REG4: variants seen among roughly 807,000 people sequenced by gnomAD.
The protein encoded by REG4 is regenerating family member 4.
Under a neutral mutation model 22.3 loss-of-function variants are expected in REG4, and 16 were observed. That is an observed-to-expected ratio of 0.72 (90% confidence interval 0.49 to 1.09). REG4 has a LOEUF of 1.09. Ranked by LOEUF, REG4 falls within the 50% of genes least tolerant of loss-of-function variation. REG4 has a pLI of 0.00. For synonymous variants in REG4, 71 were observed against 69.2 expected (o/e 1.03, Z -0.13); for missense variants, 214 against 193.9 (o/e 1.10, Z -0.61).
chr1:119,798,697 T>C (rs1250614833), intron 4 of REG4, 95 bp from the exon 5 acceptor site: 32 of 820,962 alleles, frequency 3.9e-5, no homozygotes, highest in Non-Finnish European at 6.3e-5. Flanking sequence ...ATGGTTTTCA[T>C]TGCAAACATT....
chr1:119,795,383 T>C (rs1258702700), intron 5 of REG4, among the ~76,000 whole-genome samples: 1 of 152,176 alleles, frequency 6.6e-6, no homozygotes, highest in Non-Finnish European at 1.5e-5. Context: ...GAAGCTCCTG[T>C]TCAAAGTTCA....
intron 2 of REG4, among the ~76,000 whole-genome samples, chr1:119,807,302 T>C (rs1196256042): frequency 6.6e-6 from 1 of 152,146 alleles, no homozygotes; most frequent in Non-Finnish European, 1.5e-5. Flanking sequence ...TAAGGGAGGT[T>C]CCCCCAAGAT....
chr1:119,810,634 CA>C (rs1654466213), intron 1 of REG4, among the ~76,000 whole-genome samples: 2 of 152,192 alleles, frequency 1.3e-5, no homozygotes, highest in Admixed American at 1.3e-4. Flanking sequence ...CTTTAAAACG[CA>C]AACAGAATTT....
At chr1:119,809,997 T>A (rs987343317) in intron 1 of REG4, among the ~76,000 whole-genome samples, 2 of 152,184 alleles carry the variant, frequency 1.3e-5, no homozygotes, top group Admixed American at 1.3e-4. Context: ...CATTTTTCTA[T>A]TTCATTGTTT....
At chr1:119,799,005 G>A (rs146352885) in intron 4 of REG4, among the ~76,000 whole-genome samples, 3 of 152,284 alleles carry the variant, frequency 2.0e-5, no homozygotes, top group East Asian at 3.9e-4. Flanking sequence ...GCCATAAGAT[G>A]TTTATAGACA....
chr1:119,806,505 G>T lies in REG4; in HGVS notation c.67+2198C>A, dbSNP rs1185745196. Among the ~76,000 whole-genome samples the T allele has an allele frequency of 2.6e-5, 4 of 152,140 alleles. No homozygotes were observed. The East Asian group carries it at 7.7e-4, about 29-fold the overall frequency. On this transcript the variant is annotated intron_variant, in intron 2 of 5. Coordinates refer to ENST00000256585, the MANE Select transcript of REG4 (RefSeq NM_032044.4). ...AAGTTATTGCTTTAAATCCTACATG[G>T]GTCAAGCACATTCGTTGAGATTATT...
chr1:119,810,004 GTTTGTGAGATCTTTTTTGTATGTTTA>G (rs1443304177), intron 1 of REG4, among the ~76,000 whole-genome samples: 3 of 151,910 alleles, frequency 2.0e-5, no homozygotes, highest in Non-Finnish European at 4.4e-5. Context: ...CTATTTCATT[GTTTGTGAGATCTTTTTTGTATGTTTA>G]TTTGTGAGAT....
intron 2 of REG4, among the ~76,000 whole-genome samples, chr1:119,804,506 C>CGGT (rs1370414199): frequency 1.3e-5 from 2 of 152,174 alleles, no homozygotes; most frequent in Non-Finnish European, 2.9e-5. Flanking sequence ...AATGACCAAC[C>CGGT]TAACTACGGC....
intron 2 of REG4, among the ~76,000 whole-genome samples, chr1:119,808,324 C>G (rs1174490369): frequency 1.3e-5 from 2 of 152,158 alleles, no homozygotes; most frequent in Non-Finnish European, 2.9e-5. Context: ...AAACTGGAAT[C>G]CCTAATAATG....
intron 1 of REG4, among the ~76,000 whole-genome samples, chr1:119,809,846 T>C (rs2101077673): frequency 6.6e-6 from 1 of 152,326 alleles, no homozygotes; most frequent in Admixed American, 6.5e-5. Flanking sequence ...CTTAATTTTG[T>C]CAAGTTTTTG....
chr1:119,811,305 C>T (rs587736021), intron 1 of REG4, 104 bp downstream of exon 1: 36 of 152,308 alleles, frequency 2.4e-4, no homozygotes, highest in African/African-American at 8.7e-4. Flanking sequence ...GCCTGACAAG[C>T]CTCACTAGAA....
At chr1:119,804,193 C>T (rs1278155470) in intron 2 of REG4, among the ~76,000 whole-genome samples, 1 of 152,156 alleles carries the variant, frequency 6.6e-6, no homozygotes, top group African/African-American at 2.4e-5. Context: ...AAGGGAGGTC[C>T]ACAGACTGCA....
intron 4 of REG4, 29 bp downstream of exon 4, chr1:119,799,696 A>G (rs1338963529): frequency 6.2e-7 from 1 of 1,605,276 alleles, no homozygotes. Flanking sequence ...CTTTCCCAAG[A>G]GGGCCTTTGT....
Position 119,803,057 on chromosome 1 carries a change from A to C in REG4, c.165+11T>G. 1 of 1,608,958 alleles carries C rather than the reference A, an allele frequency of 6.2e-7. No homozygotes were observed. The highest frequency in any genetic ancestry group is 8.5e-7 in the Non-Finnish European group (1 of 1,177,896). The stretch of plus-strand genomic sequence containing the variant: ...AGAAAGGCCAGGCCAAGCAGGCAGC[A>C]AGTTTCTTACCTCGGCATCAGACCA... On this transcript the variant is annotated intron_variant, in intron 3 of 5. Coordinates refer to ENST00000256585, the MANE Select transcript of REG4 (RefSeq NM_032044.4).
chr1:119,805,978 C>T (rs1654302632), intron 2 of REG4, among the ~76,000 whole-genome samples: 1 of 152,222 alleles, frequency 6.6e-6, no homozygotes, highest in African/African-American at 2.4e-5. Flanking sequence ...ATCGCCCAGG[C>T]TGGAGGGCAG....
At chr1:119,803,209 C>G in intron 2 of REG4, 44 bp from the exon 3 acceptor site, 1 of 1,490,362 alleles carries the variant, frequency 6.7e-7, no homozygotes, top group Non-Finnish European at 8.9e-7. Context: ...ATAGCAAAAA[C>G]AATCAATTCC....
intron 3 of REG4, 102 bp from the exon 4 acceptor site, chr1:119,799,964 C>T: frequency 2.9e-6 from 4 of 1,394,138 alleles, no homozygotes; most frequent in South Asian, 1.3e-5. Context: ...CACGCAGCCC[C>T]CACTTCCTCC....
At chr1:119,808,053 C>G (rs1259942181) in intron 2 of REG4, among the ~76,000 whole-genome samples, 3 of 152,240 alleles carry the variant, frequency 2.0e-5, no homozygotes, top group Non-Finnish European at 4.4e-5. Context: ...TTGGGCAAAT[C>G]TCTACCCTTT....
At chr1:119,802,927 T>C (rs587627425) in intron 3 of REG4, 141 bp downstream of exon 3, 2 of 1,559,322 alleles carry the variant, frequency 1.3e-6, no homozygotes, top group South Asian at 1.2e-5. Flanking sequence ...CACAACCCTC[T>C]TCTCTCCATT....
Sources: gnomAD v4.1 joint callset for allele counts (sites outside exome capture counted in the v4.1 genomes callset) on GRCh38, gnomAD v4.1.1 for gene constraint, MANE v1.5 for transcripts, NCBI Gene and HGNC (gene_info 2026-07-23, HGNC 2026-07-21) for gene names.